FGF13: variants seen among roughly 807,000 people sequenced by gnomAD.
FGF13 encodes fibroblast growth factor 13, also known as fibroblast growth factor homologous factor 2.
FGF13 carries 2 observed loss-of-function variants against 19.5 expected under a neutral mutation model. The ratio of observed to expected loss-of-function variants is 0.10; its 90% confidence interval spans 0.04 to 0.32. The LOEUF is 0.32. Ranked by LOEUF, FGF13 falls within the 10% of genes least tolerant of loss-of-function variation. The pLI is 1.00. For synonymous variants in FGF13, 72 were observed against 76.9 expected, an observed-to-expected ratio of 0.94 and a Z score of 0.33; for missense variants, 113 against 192.7, an observed-to-expected ratio of 0.59 and a Z score of 2.45.
At chrX:138,985,098 A>G in intron 1 of FGF13, 1 of 364,463 alleles carries the variant, frequency 2.7e-6, no homozygotes, top group Non-Finnish European at 5.5e-6. Context: ...ACCTCTGTGA[A>G]GTAAGGAAAC....
At chrX:139,173,386 A>AATAT (rs1012810253) in intron 1 of FGF13, among the ~76,000 whole-genome samples, 2 of 108,394 alleles carry the variant, frequency 1.8e-5, no homozygotes, top group Non-Finnish European at 1.9e-5. Flanking sequence ...ATATAAATAT[A>AATAT]ATATATATAT....
intron 3 of FGF13, among the ~76,000 whole-genome samples, chrX:138,641,057 G>A (rs745432399): frequency 3.6e-5 from 4 of 112,234 alleles, no homozygotes; most frequent in Non-Finnish European, 7.5e-5. Context: ...TAAGTCCTCA[G>A]CCTGGCGAAC....
chrX:138,634,307 G>A (rs1241241243), intron 4 of FGF13, among the ~76,000 whole-genome samples: 4 of 111,790 alleles, frequency 3.6e-5, no homozygotes, highest in Non-Finnish European at 7.5e-5. Context: ...CCATTCTCCG[G>A]ACCTCGTGAT....
chrX:138,972,858 A>AT (rs2091924455), intron 1 of FGF13, among the ~76,000 whole-genome samples: 1 of 109,684 alleles, frequency 9.1e-6, no homozygotes, highest in African/African-American at 3.3e-5. Context: ...ATCAAGTTTT[A>AT]TTTTTGCTAT....
At chrX:138,644,120 T>C (rs971553835) in intron 3 of FGF13, among the ~76,000 whole-genome samples, 1 of 111,684 alleles carries the variant, frequency 9.0e-6, no homozygotes, top group African/African-American at 3.3e-5. Context: ...ATTCAAAGCT[T>C]AGGAGCTCTG....
intron 1 of FGF13, among the ~76,000 whole-genome samples, chrX:139,161,106 TG>T (rs1238483660): frequency 8.9e-6 from 1 of 112,143 alleles, no homozygotes; most frequent in African/African-American, 3.2e-5. Context: ...AATAAAATAC[TG>T]GCAAAATGAA....
At chrX:139,077,038 T>G (rs775746019) in intron 1 of FGF13, among the ~76,000 whole-genome samples, 1 of 111,882 alleles carries the variant, frequency 8.9e-6, no homozygotes, top group East Asian at 2.8e-4. Context: ...ACCGCAGGGC[T>G]GTTTGTCCTG....
Position 138,621,303 on chromosome X carries a change from C to G in FGF13, c.*11547G>C, listed in dbSNP as rs751652777. The G allele has an allele frequency of 3.6e-5, 4 of 111,366 alleles. No homozygotes were observed. The highest frequency in any genetic ancestry group is 1.3e-4 in the African/African-American group (4 of 30,745). The allele number at this position is 111,366 out of a possible 1,213,427, so 9.2% of individuals were successfully genotyped here. A position where few individuals can be genotyped will look rare whatever the true frequency, so the allele number is the denominator to read the frequency against. Reference sequence around the variant, plus strand: ...CTTTTCTGACCACAATGCTAAGAAACTGGAAATCAGTAAAGGGAGGAAAAC... The same window carrying G: ...CTTTTCTGACCACAATGCTAAGAAAGTGGAAATCAGTAAAGGGAGGAAAAC... On this transcript the variant is annotated 3_prime_UTR_variant, in exon 5 of 5. Transcript: ENST00000315930.
At chrX:139,195,029 A>AC (rs1362472695) in intron 1 of FGF13, among the ~76,000 whole-genome samples, 1 of 111,451 alleles carries the variant, frequency 9.0e-6, no homozygotes, top group Non-Finnish European at 1.9e-5. Flanking sequence ...GCCAAGTTTC[A>AC]CCTTCGGTGA....
chrX:138,808,412 T>C (rs1055586120), intron 3 of FGF13, among the ~76,000 whole-genome samples: 5 of 111,757 alleles, frequency 4.5e-5, no homozygotes, highest in African/African-American at 1.6e-4. Context: ...AGACACAACA[T>C]ACCAGAATCT....
chrX:138,857,524 T>G, exon 3 of FGF13: 1 of 1,197,663 alleles, frequency 8.3e-7, no homozygotes, highest in Non-Finnish European at 1.1e-6. Flanking sequence ...TCCGGCTCTG[T>G]GTTCTCTTTG....
At chrX:138,993,036 T>C (rs776536718) in intron 1 of FGF13, among the ~76,000 whole-genome samples, 1 of 111,639 alleles carries the variant, frequency 9.0e-6, no homozygotes, top group Non-Finnish European at 1.9e-5. Flanking sequence ...AAATTCCTAA[T>C]CTGAATTTAA....
At chrX:138,722,155 G>A (rs1296346070) in intron 1 of FGF13, among the ~76,000 whole-genome samples, 3 of 111,434 alleles carry the variant, frequency 2.7e-5, no homozygotes, top group African/African-American at 9.8e-5. Flanking sequence ...AGGCCAGCAG[G>A]GTTTCCAACC....
intron 1 of FGF13, among the ~76,000 whole-genome samples, chrX:138,971,437 G>A (rs1419005782): frequency 8.9e-6 from 1 of 112,000 alleles, no homozygotes; most frequent in African/African-American, 3.2e-5. Context: ...ACTGTCTACA[G>A]ATTCTCCAAT....
chrX:138,983,902 T>C (rs867527213), intron 1 of FGF13, among the ~76,000 whole-genome samples: 2 of 8,969 alleles, frequency 2.2e-4, no homozygotes, highest in African/African-American at 5.2e-4. Context: ...GAGATCTGTT[T>C]AACATTTTGC....
intron 2 of FGF13, among the ~76,000 whole-genome samples, chrX:138,706,663 A>AATTAAACATGGT (rs1449947254): frequency 8.9e-6 from 1 of 112,219 alleles, no homozygotes; most frequent in Non-Finnish European, 1.9e-5. Context: ...CGTTATGCAC[A>AATTAAACATGGT]ATTAAACAAT....
chrX:139,037,645 C>T (rs970068743), intron 1 of FGF13, among the ~76,000 whole-genome samples: 17 of 111,737 alleles, frequency 1.5e-4, no homozygotes, highest in African/African-American at 5.5e-4. Flanking sequence ...GCACTCTGCC[C>T]TCTGCATCCA....
chrX:138,983,118 C>A (rs750305117), intron 1 of FGF13, among the ~76,000 whole-genome samples: 1 of 110,278 alleles, frequency 9.1e-6, no homozygotes, highest in Admixed American at 9.7e-5. Context: ...TACTTCGATG[C>A]AATCCCACTT....
intron 3 of FGF13, among the ~76,000 whole-genome samples, chrX:138,691,662 G>A (rs1180677998): frequency 9.0e-6 from 1 of 111,504 alleles, no homozygotes; most frequent in Non-Finnish European, 1.9e-5. Flanking sequence ...GGGTAAAAAT[G>A]AACATCACAC....
Sources: gnomAD v4.1 joint callset for allele counts (sites outside exome capture counted in the v4.1 genomes callset) on GRCh38, gnomAD v4.1.1 for gene constraint, MANE v1.5 for transcripts, NCBI Gene and HGNC (gene_info 2026-07-23, HGNC 2026-07-21) for gene names.